GSTA2: variants seen among roughly 807,000 people sequenced by gnomAD.
GSTA2 encodes the protein glutathione S-transferase alpha 2.
GSTA2 carries 27 observed loss-of-function variants against 22.4 expected under a neutral mutation model. The observed-to-expected ratio is 1.21, with a 90% CI of 0.89 to 1.67. The LOEUF (loss-of-function observed/expected upper bound fraction) is 1.67, where lower values mean the gene tolerates loss of function less well. Ranked by LOEUF, GSTA2 falls within the 40% of genes most tolerant of loss-of-function variation. GSTA2 has a pLI of 0.00. For synonymous variants in GSTA2, 121 were observed against 86.8 expected (o/e 1.39, Z -2.19); for missense variants, 302 against 260.2 (o/e 1.16, Z -1.11).
chr6:52,759,578 T>G lies in GSTA2; in HGVS notation c.-30-1601A>C, dbSNP rs1471692732. Among the ~76,000 whole-genome samples, 127 of 119,018 alleles carry G rather than the reference T, an allele frequency of 1.1e-3. 2 individuals are homozygous for G. Among genetic ancestry groups the G allele is most frequent in the African/African-American group, 4.0e-3 (117 of 29,286 alleles). 78.1% of individuals were successfully genotyped at this position (119,018 alleles called of 152,430 possible). The stretch of plus-strand genomic sequence containing the variant: ...GTATTTATTTGTTTTTTTTTTTTTT[T>G]TTTTTTTTTTTTTTTTTTTTTTTGA... On this transcript the variant is annotated intron_variant, in intron 1 of 6. Coordinates refer to ENST00000493422, the MANE Select transcript of GSTA2 (RefSeq NM_000846.5).
chr6:52,763,115 C>T (rs1377488186), intron 1 of GSTA2, among the ~76,000 whole-genome samples: 1 of 152,132 alleles, frequency 6.6e-6, no homozygotes, highest in Non-Finnish European at 1.5e-5. Flanking sequence ...GAAATTTTTG[C>T]ATACATTGCC....
intron 1 of GSTA2, among the ~76,000 whole-genome samples, chr6:52,760,640 C>T (rs1290294953): frequency 2.0e-5 from 3 of 152,122 alleles, no homozygotes; most frequent in African/African-American, 7.2e-5. Flanking sequence ...GGAGCTTTTC[C>T]ACTCCACCTC....
chr6:52,751,416 A>G (rs1419902328), intron 6 of GSTA2, among the ~76,000 whole-genome samples, 161 bp downstream of exon 6: 1 of 152,160 alleles, frequency 6.6e-6, no homozygotes, highest in Non-Finnish European at 1.5e-5. Context: ...AAGTGTTTTC[A>G]TTCCTCAAAA....
intron 5 of GSTA2, among the ~76,000 whole-genome samples, chr6:52,752,379 C>T (rs1762760188): frequency 6.6e-6 from 1 of 152,302 alleles, no homozygotes; most frequent in African/African-American, 2.4e-5. Context: ...CTCTGCATCC[C>T]ACAGTCACTC....
In GSTA2 at chr6:52,757,959, C is replaced by T; in HGVS notation, c.-12G>A. 6.3e-7 allele frequency: 1 copy of T among 1,598,748 alleles called. No homozygotes were observed. The highest frequency in any genetic ancestry group is 1.1e-5 in the South Asian group (1 of 90,722). On this transcript the variant is annotated 5_prime_UTR_variant, in exon 2 of 7. Transcript: ENST00000493422. ...GGCTTCTCTGCCATGGTAGCAGTCTCCTGGAGGTTTCTCTAAGCCTGAGTG... is the reference window on the plus strand; with the variant it reads ...GGCTTCTCTGCCATGGTAGCAGTCTTCTGGAGGTTTCTCTAAGCCTGAGTG...
At chr6:52,758,930 G>A (rs1762900158) in intron 1 of GSTA2, among the ~76,000 whole-genome samples, 1 of 152,104 alleles carries the variant, frequency 6.6e-6, no homozygotes, top group Non-Finnish European at 1.5e-5. Flanking sequence ...TACATTTGAG[G>A]ATACTGAGGT....
intron 1 of GSTA2, among the ~76,000 whole-genome samples, chr6:52,760,312 T>C (rs1370754026): frequency 2.0e-5 from 3 of 152,218 alleles, no homozygotes; most frequent in Non-Finnish European, 4.4e-5. Context: ...CTCCAGCTGA[T>C]AATTAACATA....
At chr6:52,758,089 T>C (rs1762882447) in intron 1 of GSTA2, 112 bp from the exon 2 acceptor site, 3 of 653,420 alleles carry the variant, frequency 4.6e-6, no homozygotes, top group Non-Finnish European at 7.9e-6. Context: ...ACCTGCCTTC[T>C]TCATGACGGT....
At chr6:52,755,530 G>A (rs1363212435) in intron 3 of GSTA2, among the ~76,000 whole-genome samples, 1 of 152,062 alleles carries the variant, frequency 6.6e-6, no homozygotes, top group Non-Finnish European at 1.5e-5. Flanking sequence ...TGTTTATAAA[G>A]CTTCCTGTAG....
intron 4 of GSTA2, 54 bp from the exon 5 acceptor site, chr6:52,753,049 G>C (rs1762775249): frequency 2.0e-6 from 3 of 1,517,700 alleles, no homozygotes; most frequent in Admixed American, 2.1e-5. Flanking sequence ...AGATTTTATA[G>C]GTTTATAAAA....
intron 1 of GSTA2, among the ~76,000 whole-genome samples, chr6:52,759,589 T>G (rs1581776748): frequency 7.7e-6 from 1 of 129,188 alleles, no homozygotes; most frequent in South Asian, 2.7e-4. Flanking sequence ...TTTTTTTTTT[T>G]TTTTTTTTTT....
intron 1 of GSTA2, among the ~76,000 whole-genome samples, chr6:52,758,554 A>G (rs1228341691): frequency 1.3e-5 from 2 of 152,218 alleles, no homozygotes; most frequent in Non-Finnish European, 2.9e-5. Context: ...ATGAAACCAG[A>G]GGATGTCACT....
intron 1 of GSTA2, among the ~76,000 whole-genome samples, chr6:52,761,317 A>G (rs1187775412): frequency 6.6e-6 from 1 of 152,126 alleles, no homozygotes; most frequent in Non-Finnish European, 1.5e-5. Flanking sequence ...CCAACAATCT[A>G]TGTACATGTA....
chr6:52,752,689 T>C (rs1762765142), intron 5 of GSTA2, among the ~76,000 whole-genome samples, 165 bp downstream of exon 5: 1 of 152,242 alleles, frequency 6.6e-6, no homozygotes, highest in Non-Finnish European at 1.5e-5. Flanking sequence ...GATACAATTG[T>C]TTCTCCAAGT....
intron 1 of GSTA2, among the ~76,000 whole-genome samples, chr6:52,762,871 G>A (rs1487490174): frequency 6.6e-6 from 1 of 152,194 alleles, no homozygotes; most frequent in Non-Finnish European, 1.5e-5. Context: ...CGCAGCAACA[G>A]TCAGAGCCTC....
chr6:52,756,598 G>A (rs1047145573), intron 2 of GSTA2, among the ~76,000 whole-genome samples: 3 of 152,224 alleles, frequency 2.0e-5, no homozygotes, highest in Non-Finnish European at 4.4e-5. Context: ...CTGGAGAAAA[G>A]GCACTGAGCA....
intron 2 of GSTA2, 41 bp from the exon 3 acceptor site, chr6:52,756,350 C>A (rs752321561): frequency 2.7e-6 from 4 of 1,461,060 alleles, no homozygotes; most frequent in Non-Finnish European, 3.8e-6. Context: ...TTAGTTCATT[C>A]TATTATAGAC....
At chr6:52,752,732 G>C (rs780190957) in intron 5 of GSTA2, 122 bp downstream of exon 5, 1 of 1,190,884 alleles carries the variant, frequency 8.4e-7, no homozygotes, top group Non-Finnish European at 1.2e-6. Context: ...GAGTCAGAGT[G>C]CTGCATTGGT....
Position 52,758,015 on chromosome 6 carries a change from A to G in GSTA2, c.-30-38T>C, listed in dbSNP as rs149555616. On this transcript the variant is annotated intron_variant, in intron 1 of 6. Coordinates refer to ENST00000493422, the MANE Select transcript of GSTA2 (RefSeq NM_000846.5). The stretch of plus-strand genomic sequence containing the variant: ...ATGAATGAATGAATGAATAATTGAA[A>G]CGATAGAATCAAAAATGTACTTTAG... 4,858 of 1,231,410 alleles carry G rather than the reference A, an allele frequency of 3.9e-3. 144 individuals carry two copies. The African/African-American group carries it at 0.061, about 16-fold the overall frequency. 76.3% of individuals were successfully genotyped at this position (1,231,410 alleles called of 1,614,324 possible). A position where few individuals can be genotyped will look rare whatever the true frequency, so the allele number is the denominator to read the frequency against.
Sources: allele counts gnomAD v4.1 joint callset (sites outside exome capture counted in the v4.1 genomes callset), GRCh38; gene constraint gnomAD v4.1.1; transcripts MANE v1.5; gene names NCBI Gene and HGNC (gene_info 2026-07-23, HGNC 2026-07-21).